The following TCTN3 variants were observed in gnomAD, a reference collection of about 807,000 sequenced individuals.
TCTN3 encodes the protein tectonic-3.
A neutral mutation model predicts 71.3 loss-of-function variants in TCTN3; 57 were observed. The ratio of observed to expected loss-of-function variants is 0.80; its 90% CI spans 0.65 to 1.00. The LOEUF (loss-of-function observed/expected upper bound fraction) is 1.00, where lower values mean the gene tolerates loss of function less well. Ranked by LOEUF, TCTN3 falls within the 50% of genes least tolerant of loss-of-function variation. TCTN3 has a pLI of 0.00. For synonymous variants in TCTN3, 258 were observed against 267.8 expected, an observed-to-expected ratio of 0.96 and a Z score of 0.36; for missense variants, 696 against 719.9, an observed-to-expected ratio of 0.97 and a Z score of 0.38.
rs200742071 is a variant in TCTN3 at position 95,683,622 on chromosome 10, T to C, written c.1103A>G (p.Gln368Arg). The stretch of plus-strand genomic sequence containing the variant: ...GGTGAGAGAAGCAGCTGTGCTCTGT[T>C]GAAAAGCCTGCAGAAAGAGGGAAGA... ...QHFILRFRAF[Q>R]QSTAASLTSP... is the part of the protein sequence containing the mutation. The change falls in exon 10 of 14, where the codon CAA (glutamine) becomes CGA (arginine). Residue 368 changes from glutamine (Q) to arginine (R), a missense_variant. Transcript: ENST00000371217. The C allele has an allele frequency of 1.2e-6, 2 of 1,605,432 alleles. No homozygotes were observed. Among genetic ancestry groups the C allele is most frequent in the Non-Finnish European group, 1.7e-6 (2 of 1,175,516 alleles).
At chr10:95,675,504 C>T (rs950591773) in intron 13 of TCTN3, among the ~76,000 whole-genome samples, 5 of 152,174 alleles carry the variant, frequency 3.3e-5, no homozygotes, top group African/African-American at 1.2e-4. Context: ...AGGTCAGTTT[C>T]TTCAATGCTA....
In TCTN3 at chr10:95,667,088, G is replaced by A. The variant is rs573116211; in HGVS notation, c.1591-2788C>T. On this transcript the variant is annotated intron_variant, in intron 13 of 13. Coordinates refer to ENST00000371217, the MANE Select transcript of TCTN3 (RefSeq NM_015631.6). ...AACTCTAATATAACTATTAACCCAA[G>A]AAGGCAAACCTTAGGCCAATGTCTG... is the stretch of plus-strand genomic sequence containing the variant. 3.0e-4 allele frequency among the ~76,000 whole-genome samples: 46 copies of A among 152,174 alleles called. No individual in the cohort carries two copies. The Middle Eastern group carries it at 0.017, about 56-fold the overall frequency.
Position 95,678,394 on chromosome 10 carries a change from G to A in TCTN3, c.1590+2078C>T, listed in dbSNP as rs1001896477. On this transcript the variant is annotated intron_variant, in intron 13 of 13. Coordinates refer to ENST00000371217, the MANE Select transcript of TCTN3 (RefSeq NM_015631.6). Reference sequence around the variant, plus strand: ...TAAAAATACAAAAAATTAGCTGGGCGTGGTTGCAGGTGCCTGTAGTCCCAG... The same window carrying A: ...TAAAAATACAAAAAATTAGCTGGGCATGGTTGCAGGTGCCTGTAGTCCCAG... Among the ~76,000 whole-genome samples the A allele has an allele frequency of 5.9e-5, 9 of 151,912 alleles. No individual in the cohort carries two copies. The South Asian group carries it at 6.2e-4, about 10-fold the overall frequency.
chr10:95,674,970 C>A (rs562925141), intron 13 of TCTN3, among the ~76,000 whole-genome samples: 62 of 151,980 alleles, frequency 4.1e-4, no homozygotes, highest in South Asian at 2.5e-3. Context: ...TCTTTAAATT[C>A]CCTAACTTAT....
chr10:95,682,827 C>T (rs1476002330), intron 11 of TCTN3, 23 bp from the exon 12 acceptor site: 36 of 1,608,720 alleles, frequency 2.2e-5, no homozygotes, highest in Non-Finnish European at 2.8e-5. Context: ...ACCATGGAGG[C>T]TGCAGTCCAA....
rs375639871 is a variant in TCTN3, at chr10:95,667,671, G to C, written c.1591-3371C>G. Among the ~76,000 whole-genome samples, 34 of 152,284 alleles carry C rather than the reference G, an allele frequency of 2.2e-4. No homozygotes were observed. In the East Asian group the frequency reaches 4.2e-3, roughly 19 times the overall value. On this transcript the variant is annotated intron_variant, in intron 13 of 13. Transcript: ENST00000371217. ...AGAGTGAGGCATGGAATGAAAAATG[G>C]GGAATTATCCCTTCTCTAATTTAGC...
intron 9 of TCTN3, 100 bp downstream of exon 9, chr10:95,684,399 A>C (rs772894617): frequency 3.2e-4 from 471 of 1,472,380 alleles, no homozygotes; most frequent in Non-Finnish European, 4.1e-4. Context: ...CTAGGCCTTC[A>C]TATTCTTATT....
Position 95,664,133 on chromosome 10 carries a change from G to C in TCTN3, c.1758C>G (p.Cys586Trp). 6.2e-7 allele frequency: 1 copy of C among 1,614,194 alleles called. No individual in the cohort carries two copies. Among genetic ancestry groups the C allele is most frequent in the Non-Finnish European group, 8.5e-7 (1 of 1,180,038 alleles). The part of the protein sequence containing the change: ...AFSRGVFSQK[C>W]SVSPILILCL... ...ACAGGATAAGGATGGGAGAGACTGAGCATTTTTGAGAGAATACTCCTCTGC... is the reference window on the plus strand; with the variant it reads ...ACAGGATAAGGATGGGAGAGACTGACCATTTTTGAGAGAATACTCCTCTGC... The change falls in exon 14 of 14, where the codon TGC (cysteine) becomes TGG (tryptophan). Residue 586 changes from cysteine (C) to tryptophan (W), a missense_variant. Coordinates refer to ENST00000371217, the MANE Select transcript of TCTN3 (RefSeq NM_015631.6).
At chr10:95,687,564 A>G in intron 4 of TCTN3, 28 bp downstream of exon 4, 1 of 1,609,294 alleles carries the variant, frequency 6.2e-7, no homozygotes, top group Non-Finnish European at 8.5e-7. Flanking sequence ...ACTAAACCAA[A>G]CAATCCCATC....
chr10:95,667,103 G>A (rs2097926412), intron 13 of TCTN3, among the ~76,000 whole-genome samples: 1 of 152,092 alleles, frequency 6.6e-6, no homozygotes, highest in Non-Finnish European at 1.5e-5. Context: ...CAAACCTTAG[G>A]CCAATGTCTG....
chr10:95,683,287 T>C (rs1589614584), intron 10 of TCTN3, 92 bp from the exon 11 acceptor site: 1 of 1,518,490 alleles, frequency 6.6e-7, no homozygotes, highest in South Asian at 1.2e-5. Flanking sequence ...CCTTTAATGC[T>C]ATTTATTTTG....
Position 95,683,011 on chromosome 10 carries a change from A to G in TCTN3, c.1298+90T>C, listed in dbSNP as rs7914690. On this transcript the variant is annotated intron_variant, in intron 11 of 13. Coordinates refer to ENST00000371217, the MANE Select transcript of TCTN3 (RefSeq NM_015631.6). ...ACTATTCCTGACTAGCATTTTCCGA[A>G]CTGTCATTAAAAATATAAAAGTTAC... The G allele has an allele frequency of 6.7e-4, 920 of 1,363,776 alleles. 4 individuals are homozygous for G. The African/African-American group carries it at 0.012, about 18-fold the overall frequency. 84.5% of individuals were successfully genotyped at this position (1,363,776 alleles called of 1,614,324 possible).
At position 95,684,626 on chromosome 10, in the gene TCTN3, T is replaced by C. The variant is rs777263669; in HGVS notation, c.970-2A>G. On this transcript the variant is annotated splice_acceptor_variant, in intron 8 of 13. Transcript: ENST00000371217. LOFTEE classifies it high-confidence loss of function. ...ATTGGTCTCTATCTCATAGGTGACC[T>C]GAAATGCAAAAAGAATCAATTAATA... 1.2e-6 allele frequency: 2 copies of C among 1,612,246 alleles called. No individual in the cohort carries two copies. Among genetic ancestry groups the C allele is most frequent in the Admixed American group, 3.4e-5 (2 of 59,504 alleles).
intron 13 of TCTN3, among the ~76,000 whole-genome samples, chr10:95,675,284 G>T (rs11188428): frequency 2.0e-5 from 3 of 151,818 alleles, no homozygotes; most frequent in Non-Finnish European, 4.4e-5. Context: ...ATAGAGACAG[G>T]GTTTTGCCGT....
At chr10:95,685,424 T>A (rs549196991) in intron 8 of TCTN3, 132 bp downstream of exon 8, 3 of 607,822 alleles carry the variant, frequency 4.9e-6, no homozygotes, top group South Asian at 5.3e-5. Flanking sequence ...ACAACAAGTT[T>A]GCATTCCCAA....
chr10:95,693,092 A>G lies in TCTN3; in HGVS notation c.381-54T>C, dbSNP rs894386786. 8 of 1,405,482 alleles carry G rather than the reference A, an allele frequency of 5.7e-6. No homozygotes were observed. The Admixed American group carries it at 1.2e-4, about 20-fold the overall frequency. The allele number at this position is 1,405,482 out of a possible 1,614,324, so 87.1% of individuals were successfully genotyped here. ...ATTTAGAAGGGGCGGGGCAGGTCCA[A>G]AAAAGAGTGTCCCAGCAATATCGGC... is the stretch of plus-strand genomic sequence containing the variant. On this transcript the variant is annotated intron_variant, in intron 2 of 13. Transcript: ENST00000371217.
chr10:95,666,742 AT>A lies in TCTN3; in HGVS notation c.1591-2443del, dbSNP rs541118319. 2.4e-4 allele frequency among the ~76,000 whole-genome samples: 37 copies of A among 152,258 alleles called. No individual in the cohort carries two copies. The East Asian group carries it at 6.9e-3, about 29-fold the overall frequency. On this transcript the variant is annotated intron_variant, in intron 13 of 13. Coordinates refer to ENST00000371217, the MANE Select transcript of TCTN3 (RefSeq NM_015631.6). ...TAGAAGTTGATTGAATCAATGTGTT[AT>A]TCTAAGTTATTTCAGAGCTTTTAGG...
intron 13 of TCTN3, among the ~76,000 whole-genome samples, chr10:95,669,060 T>C (rs1321751896): frequency 6.6e-6 from 1 of 152,216 alleles, no homozygotes; most frequent in African/African-American, 2.4e-5. Context: ...AGCATGCATA[T>C]TCACATAAAC....
At chr10:95,685,222 A>G (rs753806724) in intron 8 of TCTN3, among the ~76,000 whole-genome samples, 33 of 152,234 alleles carry the variant, frequency 2.2e-4, no homozygotes, top group Non-Finnish European at 4.4e-4. Flanking sequence ...TGGGCAACAG[A>G]AGAGGTGTCA....
Sources: gnomAD v4.1 joint callset for allele counts (sites outside exome capture counted in the v4.1 genomes callset) on GRCh38, gnomAD v4.1.1 for gene constraint, MANE v1.5 for transcripts, NCBI Gene and HGNC (gene_info 2026-07-23, HGNC 2026-07-21) for gene names.